FRY: variants seen among roughly 807,000 people sequenced by gnomAD.
FRY encodes protein furry homolog.
In FRY, 128 loss-of-function variants were observed where a neutral mutation model predicts 348.4. That is an observed-to-expected ratio of 0.37 (90% CI 0.32 to 0.43). The LOEUF (loss-of-function observed/expected upper bound fraction) is 0.43, where lower values mean the gene tolerates loss of function less well. FRY is among the 20% of genes least tolerant of loss of function. The pLI is 1.00. For synonymous variants in FRY, 1,370 were observed against 1,374.7 expected (o/e 1.00, Z 0.08); for missense variants, 2,736 against 3,695.2 (o/e 0.74, Z 6.73).
intron 59 of FRY, among the ~76,000 whole-genome samples, chr13:32,290,225 ATAACT>A (rs1335182296): frequency 6.6e-6 from 1 of 152,192 alleles, no homozygotes; most frequent in Non-Finnish European, 1.5e-5. Flanking sequence ...TTAAAATAAA[ATAACT>A]TAAACATATT....
intron 1 of FRY, among the ~76,000 whole-genome samples, chr13:32,067,439 G>T (rs1369161903): frequency 6.6e-6 from 1 of 152,142 alleles, no homozygotes; most frequent in African/African-American, 2.4e-5. Flanking sequence ...AGTTTAGGGA[G>T]TTTCCAGGCT....
chr13:32,131,888 C>T (rs987756871), intron 8 of FRY, 48 bp downstream of exon 8: 1 of 1,404,224 alleles, frequency 7.1e-7, no homozygotes, highest in Non-Finnish European at 1.0e-6. Context: ...TTGAGCACTT[C>T]CCTTCCTCAA....
At chr13:32,139,439 T>G (rs1346942938) in intron 11 of FRY, among the ~76,000 whole-genome samples, 1 of 152,146 alleles carries the variant, frequency 6.6e-6, no homozygotes, top group African/African-American at 2.4e-5. Flanking sequence ...CCACCTTTGA[T>G]GTATTCTGTA....
chr13:32,192,336 T>TC lies in FRY; in HGVS notation c.3592-1801dup, dbSNP rs542263351. Among the ~76,000 whole-genome samples, 33 of 140,740 alleles carry TC rather than the reference T, an allele frequency of 2.3e-4. No homozygotes were observed. In the East Asian group the frequency reaches 7.3e-3, roughly 31 times the overall value. The allele number at this position is 140,740 out of a possible 152,430, so 92.3% of individuals were successfully genotyped here. A position where few individuals can be genotyped will look rare whatever the true frequency, so the allele number is the denominator to read the frequency against. ...GTTTTTGAGACGGAGTCTCGCTCTGTCCCCCCGGCTGGAGTGCAGTGGCTG... is the reference window on the plus strand; with the variant it reads ...GTTTTTGAGACGGAGTCTCGCTCTGTCCCCCCCGGCTGGAGTGCAGTGGCTG... On this transcript the variant is annotated intron_variant, in intron 28 of 60. Transcript: ENST00000542859.
intron 17 of FRY, among the ~76,000 whole-genome samples, chr13:32,164,318 GGT>G (rs1264818944): frequency 6.6e-6 from 1 of 152,090 alleles, no homozygotes; most frequent in Non-Finnish European, 1.5e-5. Context: ...TCTCATCCGT[GGT>G]ACACTTTTTA....
At chr13:32,283,894 T>C (rs891302205) in intron 58 of FRY, among the ~76,000 whole-genome samples, 2 of 152,222 alleles carry the variant, frequency 1.3e-5, no homozygotes, top group Non-Finnish European at 2.9e-5. Flanking sequence ...AACTAATGAT[T>C]TTGGTTTCCA....
intron 1 of FRY, 105 bp downstream of exon 1, chr13:32,031,970 G>A (rs922054811): frequency 3.0e-6 from 2 of 676,992 alleles, no homozygotes; most frequent in African/African-American, 3.9e-5. Context: ...AGCCGCGGAA[G>A]TTTTTCTTTT....
chr13:32,273,311 C>T (rs921674160), intron 55 of FRY, among the ~76,000 whole-genome samples: 8 of 151,346 alleles, frequency 5.3e-5, no homozygotes, highest in South Asian at 4.2e-4. Flanking sequence ...AGGCTCCGCC[C>T]CCTGGGGTTC....
chr13:32,170,714 T>C (rs995888309), intron 17 of FRY, among the ~76,000 whole-genome samples: 1 of 152,158 alleles, frequency 6.6e-6, no homozygotes, highest in Non-Finnish European at 1.5e-5. Context: ...TTTTTGTATT[T>C]TTAGTAGAGA....
intron 20 of FRY, among the ~76,000 whole-genome samples, chr13:32,176,023 G>A (rs574834184): frequency 3.2e-4 from 49 of 152,024 alleles, no homozygotes; most frequent in African/African-American, 1.1e-3. Context: ...TTTATTATTC[G>A]ATTTGATTCT....
intron 28 of FRY, 64 bp from the exon 29 acceptor site, chr13:32,194,079 G>A (rs1883528154): frequency 2.1e-6 from 3 of 1,462,708 alleles, no homozygotes; most frequent in Non-Finnish European, 2.9e-6. Flanking sequence ...AGCTTTATCT[G>A]TATCTTTCTC....
chr13:32,152,817 G>A (rs1162737270), intron 14 of FRY, among the ~76,000 whole-genome samples: 1 of 152,116 alleles, frequency 6.6e-6, no homozygotes, highest in African/African-American at 2.4e-5. Context: ...AACAGTTAAA[G>A]TGGAGAGCCA....
chr13:32,203,397 A>G (rs2520706), intron 31 of FRY, among the ~76,000 whole-genome samples: 61,855 of 152,014 alleles, frequency 0.41, 12,788 homozygotes, highest in Admixed American at 0.43. Flanking sequence ...CATGGAGGAT[A>G]AACTGCAGTT....
rs1879624305 is a variant in FRY at position 32,135,119 on chromosome 13, G to T, written c.1013G>T (p.Arg338Ile). ...AATGAAGTAAATGTTCCCTGCCTTA[G>T]AAATTTTGTGGAAAGCCTGTATGAC... ...VKNEVNVPCL[R>I]NFVESLYDTT... The change falls in exon 10 of 61, where the codon AGA becomes ATA. Residue 338 changes from arginine (R) to isoleucine (I), a missense_variant. By Grantham distance (97) the Arg-to-Ile change is moderately conservative. Transcript: ENST00000542859. The T allele has an allele frequency of 2.5e-6, 4 of 1,612,760 alleles. No homozygotes were observed. The highest frequency in any genetic ancestry group is 2.5e-6 in the Non-Finnish European group (3 of 1,178,914).
At chr13:32,067,214 A>C (rs1171590648) in intron 1 of FRY, among the ~76,000 whole-genome samples, 1 of 152,146 alleles carries the variant, frequency 6.6e-6, no homozygotes, top group Non-Finnish European at 1.5e-5. Context: ...TCTCTTCCCT[A>C]CGTATCAGAA....
In FRY at chr13:32,239,405, A is replaced by G; in HGVS notation, c.6516+56A>G. 9.8e-7 allele frequency: 1 copy of G among 1,020,728 alleles called. No homozygotes were observed. The highest frequency in any genetic ancestry group is 1.6e-6 in the Non-Finnish European group (1 of 637,872). The allele number at this position is 1,020,728 out of a possible 1,614,324, so 63.2% of individuals were successfully genotyped here. ...TCCATAGAGGCCTTCAGGACGCCCT[A>G]GTGTCAGGCAAATTACAAGGCCCAG... On this transcript the variant is annotated intron_variant, in intron 45 of 60. Transcript: ENST00000542859. This position sits in a 1 kb window ranked among gnomAD's most constrained non-coding sequence, Gnocchi z 4.3.
At chr13:32,289,549 G>GTTTGTCTCCA in intron 58 of FRY, 84 bp from the exon 59 acceptor site, 1 of 812,344 alleles carries the variant, frequency 1.2e-6, no homozygotes, top group Admixed American at 1.9e-5. Context: ...TAAAAAAAAA[G>GTTTGTCTCCA]TTTGTCTCCA....
At chr13:32,206,401 C>A (rs1345056164) in intron 31 of FRY, among the ~76,000 whole-genome samples, 1 of 152,184 alleles carries the variant, frequency 6.6e-6, no homozygotes, top group African/African-American at 2.4e-5. Flanking sequence ...AAGACCTGAA[C>A]ATGACTCTCT....
chr13:32,102,868 C>T (rs1005823316), intron 3 of FRY, among the ~76,000 whole-genome samples: 3 of 152,194 alleles, frequency 2.0e-5, no homozygotes, highest in Non-Finnish European at 2.9e-5. Flanking sequence ...GTGCCAACGT[C>T]AGACACAAAA....
Sources: gnomAD v4.1 joint callset for allele counts (sites outside exome capture counted in the v4.1 genomes callset) on GRCh38, gnomAD v4.1.1 for gene constraint, Gnocchi (gnomAD v3.1) non-coding constraint, MANE v1.5 for transcripts, NCBI Gene and HGNC (gene_info 2026-07-23, HGNC 2026-07-21) for gene names.